ASIC4: variants seen among roughly 807,000 people sequenced by gnomAD.
ASIC4 encodes the protein acid sensing ion channel subunit family member 4, also known as acid-sensing ion channel 4.
In ASIC4, 28 loss-of-function variants were observed where a neutral mutation model predicts 53.4. That is an observed-to-expected ratio of 0.52 (90% CI 0.39 to 0.72). ASIC4 has a LOEUF of 0.72. ASIC4 is among the 30% of genes least tolerant of loss of function. The pLI is 0.00. For missense variants in ASIC4, 649 were observed against 729.7 expected, an observed-to-expected ratio of 0.89 and a Z score of 1.27; for synonymous variants, 289 against 301.4, an observed-to-expected ratio of 0.96 and a Z score of 0.43.
chr2:219,535,267 A>G lies in ASIC4; in HGVS notation c.1172A>G (p.Asn391Ser), dbSNP rs778080295. Reference protein sequence around the residue: ...GKEISMVRIPNRGSARYLARK... With the variant: ...GKEISMVRIPSRGSARYLARK... Reference sequence around the variant, plus strand: ...GAGATCTCCATGGTCAGGATCCCCAACAGGGGCTCAGCCCGGTACCTGGCG... The same window carrying G: ...GAGATCTCCATGGTCAGGATCCCCAGCAGGGGCTCAGCCCGGTACCTGGCG... Residue 391 changes from asparagine (N) to serine (S), a missense_variant, in exon 6 of 10, where the codon AAC (asparagine) becomes AGC (serine). By Grantham distance (46) the Asn-to-Ser change is conservative. Coordinates refer to ENST00000358078, the MANE Select transcript of ASIC4 (RefSeq NM_018674.6). The G allele has an allele frequency of 1.2e-5, 20 of 1,613,746 alleles. No homozygotes were observed. The highest frequency in any genetic ancestry group is 1.5e-5 in the Non-Finnish European group (18 of 1,179,828).
At chr2:219,521,852 G>A (rs912857872) in intron 1 of ASIC4, among the ~76,000 whole-genome samples, 8 of 152,254 alleles carry the variant, frequency 5.3e-5, no homozygotes, top group Admixed American at 2.6e-4. Context: ...CAGGAGGCCC[G>A]AGGGGAGAAG....
intron 1 of ASIC4, among the ~76,000 whole-genome samples, chr2:219,522,225 T>C (rs1291441639): frequency 6.6e-6 from 1 of 151,954 alleles, no homozygotes; most frequent in African/African-American, 2.4e-5. Flanking sequence ...CACGGGATGA[T>C]TAAGGGGAAA....
intron 6 of ASIC4, 24 bp downstream of exon 6, chr2:219,535,348 G>GA (rs1203753224): frequency 6.4e-7 from 1 of 1,562,754 alleles, no homozygotes; most frequent in African/African-American, 1.4e-5. Context: ...TGTGTGGGGG[G>GA]TGGCTGTGTG....
chr2:219,522,728 G>A (rs1479360502), intron 1 of ASIC4, among the ~76,000 whole-genome samples: 1 of 152,064 alleles, frequency 6.6e-6, no homozygotes, highest in Non-Finnish European at 1.5e-5. Flanking sequence ...CGCCCCCGTC[G>A]CCCCCTCCCC....
Position 219,532,421 on chromosome 2 carries a change from G to A in ASIC4, c.962G>A (p.Arg321His), listed in dbSNP as rs549589802. 5.5e-5 allele frequency: 88 copies of A among 1,613,966 alleles called. 1 individual carries two copies. The South Asian group carries it at 7.6e-4, about 14-fold the overall frequency. The change falls in exon 4 of 10, where the codon CGC (arginine) becomes CAC (histidine). Residue 321 changes from arginine (R) to histidine (H), a missense_variant. Arg to His is a conservative substitution (Grantham distance 29, BLOSUM62 0). Coordinates refer to ENST00000358078, the MANE Select transcript of ASIC4 (RefSeq NM_018674.6). ...SAYSVSACRL[R>H]CEKEAVLQRC... is the part of the protein sequence containing the mutation. ...TACAGTGTGTCTGCCTGCCGGCTGC[G>A]CTGTGAAAAGGAGGCCGTGCTTCAG...
At chr2:219,521,240 C>T (rs1245182685) in intron 1 of ASIC4, among the ~76,000 whole-genome samples, 5 of 152,242 alleles carry the variant, frequency 3.3e-5, no homozygotes, top group Non-Finnish European at 4.4e-5. Flanking sequence ...ATGCCCCACC[C>T]AGCCCCACTC....
In ASIC4 at chr2:219,517,098, G is replaced by C. The variant is rs142871155; in HGVS notation, c.582+1792G>C. ...ATCTTTGTGTCCCCGAGCGGGAGTT[G>C]GGGGTGGGCAGGAAAGGGGAAGGGT... On this transcript the variant is annotated intron_variant, in intron 1 of 9. Coordinates refer to ENST00000358078, the MANE Select transcript of ASIC4 (RefSeq NM_018674.6). The surrounding 1 kb of genome is among the most constrained non-coding windows in gnomAD (Gnocchi z 4.2). 6.6e-6 allele frequency: 1 copy of C among 152,428 alleles called. No individual in the cohort carries two copies. Among genetic ancestry groups the C allele is most frequent in the Non-Finnish European group, 1.5e-5 (1 of 68,178 alleles). 9.4% of individuals were successfully genotyped at this position (152,428 alleles called of 1,614,324 possible).
At chr2:219,534,946 G>A (rs1695103833) in intron 5 of ASIC4, among the ~76,000 whole-genome samples, 1 of 152,202 alleles carries the variant, frequency 6.6e-6, no homozygotes, top group Admixed American at 6.5e-5. Context: ...GGTTGGGAGG[G>A]TGCTGGGGGG....
intron 1 of ASIC4, among the ~76,000 whole-genome samples, chr2:219,519,666 A>G (rs1319264301): frequency 1.3e-5 from 2 of 152,244 alleles, no homozygotes; most frequent in African/African-American, 4.8e-5. Context: ...GCGACAGAGA[A>G]AATGAATTTT....
chr2:219,524,020 G>A (rs180714674), intron 1 of ASIC4, among the ~76,000 whole-genome samples: 40 of 152,146 alleles, frequency 2.6e-4, no homozygotes, highest in African/African-American at 9.4e-4. Flanking sequence ...ACGAGGTCTC[G>A]CTATGTTGCC....
At position 219,535,256 on chromosome 2, in the gene ASIC4, C is replaced by T. The variant is rs1695111617; in HGVS notation, c.1161C>T (p.Val387=). 1 of 1,613,888 alleles carries T rather than the reference C, an allele frequency of 6.2e-7. No individual in the cohort carries two copies. The part of the protein sequence containing the change: ...LTRYGKEISM[V]RIPNRGSARY... ...GCTATGGGAAAGAGATCTCCATGGT[C>T]AGGATCCCCAACAGGGGCTCAGCCC... Residue 387 remains valine, a synonymous_variant, in exon 6 of 10, where the codon GTC becomes GTT. Coordinates refer to ENST00000358078, the MANE Select transcript of ASIC4 (RefSeq NM_018674.6).
At chr2:219,520,292 C>T (rs1246352204) in intron 1 of ASIC4, among the ~76,000 whole-genome samples, 6 of 152,140 alleles carry the variant, frequency 3.9e-5, no homozygotes, top group Admixed American at 2.6e-4. Flanking sequence ...CCCTCCCCTG[C>T]CCTCCTCTCT....
At chr2:219,507,913 G>A in the ASIC4 span, among the ~76,000 whole-genome samples, 1 of 152,134 alleles carries the variant, frequency 6.6e-6, no homozygotes, top group African/African-American at 2.4e-5. Flanking sequence ...TCATAGCCTG[G>A]CAGTTAGGAA....
In ASIC4 at chr2:219,518,956, T is replaced by G. The variant is rs1396586920; in HGVS notation, c.582+3650T>G. ...AGTCTCGTTGTTGCCCAGGCTGGAG[T>G]GCAGCGGCGCGATCTCGGCTCACTA... On this transcript the variant is annotated intron_variant, in intron 1 of 9. Coordinates refer to ENST00000358078, the MANE Select transcript of ASIC4 (RefSeq NM_018674.6). This position sits in a 1 kb window ranked among gnomAD's most constrained non-coding sequence, Gnocchi z 4.8. Among the ~76,000 whole-genome samples the G allele has an allele frequency of 1.3e-5, 2 of 152,144 alleles. No homozygotes were observed. Among genetic ancestry groups the G allele is most frequent in the Admixed American group, 6.5e-5 (1 of 15,276 alleles).
chr2:219,513,288 C>T (rs140509229), upstream of ASIC4, among the ~76,000 whole-genome samples: 808 of 152,148 alleles, frequency 5.3e-3, 7 homozygotes, highest in African/African-American at 0.019. Flanking sequence ...CACATGCTGT[C>T]GGATGGGGCC....
intron 1 of ASIC4, among the ~76,000 whole-genome samples, chr2:219,530,719 C>T (rs767587667): frequency 1.3e-5 from 2 of 151,996 alleles, no homozygotes; most frequent in Non-Finnish European, 2.9e-5. Flanking sequence ...GGAGAGGGGA[C>T]AACAACAACA....
At position 219,537,030 on chromosome 2, in the gene ASIC4, AG is replaced by A; in HGVS notation, c.1230-34del. ...CCCCTGCCAGCCTTCTCAGGAAGAG[AG>A]GCCCACACGGATACCCTGCTTCCTG... On this transcript the variant is annotated intron_variant, in intron 6 of 9. Transcript: ENST00000358078. This position sits in a 1 kb window ranked among gnomAD's most constrained non-coding sequence, Gnocchi z 4.9. 3.8e-6 allele frequency: 6 copies of A among 1,583,632 alleles called. No individual in the cohort carries two copies. The highest frequency in any genetic ancestry group is 5.2e-6 in the Non-Finnish European group (6 of 1,154,128).
intron 1 of ASIC4, among the ~76,000 whole-genome samples, chr2:219,529,892 C>A (rs1454324962): frequency 6.6e-6 from 1 of 151,858 alleles, no homozygotes; most frequent in Admixed American, 6.6e-5. Flanking sequence ...GGCTGCGACT[C>A]CCAGAGCACT....
chr2:219,515,447 C>T, intron 1 of ASIC4, 141 bp downstream of exon 1: 2 of 1,212,698 alleles, frequency 1.6e-6, no homozygotes, highest in Non-Finnish European at 2.2e-6. Context: ...CGTGTTTCCC[C>T]AAGCCTGGCG....
Sources: gnomAD v4.1 joint callset for allele counts (sites outside exome capture counted in the v4.1 genomes callset) on GRCh38, gnomAD v4.1.1 for gene constraint, Gnocchi (gnomAD v3.1) non-coding constraint, MANE v1.5 for transcripts, NCBI Gene and HGNC (gene_info 2026-07-23, HGNC 2026-07-21) for gene names.